The following ABLIM1 variants were observed in gnomAD, a reference collection of about 807,000 sequenced individuals.
ABLIM1 encodes the protein actin-binding LIM protein 1.
In ABLIM1, 40 loss-of-function variants were observed where a neutral mutation model predicts 107.0. That is an observed-to-expected ratio of 0.37 (90% confidence interval 0.29 to 0.49). The LOEUF (loss-of-function observed/expected upper bound fraction) is 0.49. Ranked by LOEUF, ABLIM1 falls within the 20% of genes least tolerant of loss-of-function variation. The pLI is 0.97. For synonymous variants in ABLIM1, 357 were observed against 357.3 expected, an observed-to-expected ratio of 1.00 and a Z score of 0.01; for missense variants, 857 against 1,008.5, an observed-to-expected ratio of 0.85 and a Z score of 2.04.
chr10:114,560,316 A>T (rs185575529), intron 4 of ABLIM1, among the ~76,000 whole-genome samples: 1 of 152,376 alleles, frequency 6.6e-6, no homozygotes, highest in Non-Finnish European at 1.5e-5. Flanking sequence ...ATTCAGCCAT[A>T]AAGAAATGAA....
chr10:114,512,230 G>C (rs116021249), intron 6 of ABLIM1, among the ~76,000 whole-genome samples: 2 of 152,168 alleles, frequency 1.3e-5, no homozygotes, highest in African/African-American at 4.8e-5. Flanking sequence ...TGAAATTAGC[G>C]AACTGGGGAA....
At chr10:114,779,635 TTTTCA>T in the ABLIM1 span, 1 of 152,238 alleles carries the variant, frequency 6.6e-6, no homozygotes, top group Non-Finnish European at 1.5e-5. Flanking sequence ...TATAGATTTG[TTTTCA>T]TTTAACAATT....
intron 1 of ABLIM1, among the ~76,000 whole-genome samples, chr10:114,761,706 C>G (rs894800877): frequency 5.3e-5 from 8 of 152,150 alleles, no homozygotes; most frequent in Admixed American, 5.2e-4. Context: ...CATCTCCCAA[C>G]TCCACTGAGA....
chr10:114,478,886 T>G (rs956089640), intron 8 of ABLIM1, among the ~76,000 whole-genome samples: 1 of 152,224 alleles, frequency 6.6e-6, no homozygotes, highest in African/African-American at 2.4e-5. Context: ...GTTGCATTCT[T>G]GCTTGCTTAT....
chr10:114,660,564 G>A (rs970150982), upstream of ABLIM1, among the ~76,000 whole-genome samples: 1 of 151,770 alleles, frequency 6.6e-6, no homozygotes, highest in African/African-American at 2.4e-5. Context: ...TTAAGATGGA[G>A]ATCCCCGAGG....
intron 2 of ABLIM1, among the ~76,000 whole-genome samples, chr10:114,586,263 CA>C (rs34105643): frequency 0.4 from 60,317 of 151,988 alleles, 14,092 homozygotes; most frequent in Non-Finnish European, 0.53. Context: ...AGACAATTTC[CA>C]TTCACATGTG....
intron 10 of ABLIM1, 134 bp downstream of exon 10, chr10:114,472,839 ACCTG>A: frequency 1.3e-6 from 1 of 798,924 alleles, no homozygotes. Context: ...ACCTCAAAGC[ACCTG>A]GTCTAGAAAT....
intron 6 of ABLIM1, among the ~76,000 whole-genome samples, chr10:114,516,505 C>A (rs548679259): frequency 6.6e-6 from 1 of 152,124 alleles, no homozygotes. Context: ...GCCTGGGTGA[C>A]AGAGCAAGAC....
At chr10:114,559,599 C>G (rs750593860) in intron 4 of ABLIM1, among the ~76,000 whole-genome samples, 3 of 152,188 alleles carry the variant, frequency 2.0e-5, no homozygotes, top group Non-Finnish European at 2.9e-5. Context: ...GACCACCCAC[C>G]TAGCACATGG....
intron 1 of ABLIM1, among the ~76,000 whole-genome samples, chr10:114,683,104 T>A (rs2080816161): frequency 1.3e-5 from 2 of 152,234 alleles, no homozygotes; most frequent in African/African-American, 4.8e-5. Flanking sequence ...ATAGTGTCCT[T>A]ATTAAAATTC....
chr10:114,643,354 A>G (rs919436130), intron 1 of ABLIM1, among the ~76,000 whole-genome samples: 4 of 152,188 alleles, frequency 2.6e-5, no homozygotes, highest in Non-Finnish European at 4.4e-5. Context: ...AGACTGTACA[A>G]GATTCTTCAT....
intron 1 of ABLIM1, among the ~76,000 whole-genome samples, chr10:114,666,257 T>C (rs2080021537): frequency 6.6e-6 from 1 of 152,226 alleles, no homozygotes; most frequent in Non-Finnish European, 1.5e-5. Flanking sequence ...CATATATTTA[T>C]TCTTATTCTT....
chr10:114,547,484 A>C, intron 5 of ABLIM1, 166 bp downstream of exon 5: 2 of 841,668 alleles, frequency 2.4e-6, no homozygotes, highest in Non-Finnish European at 3.6e-6. Context: ...AAGGCAAAAG[A>C]ATACAATTCT....
At chr10:114,576,280 G>A (rs974492033) in intron 2 of ABLIM1, among the ~76,000 whole-genome samples, 1 of 152,184 alleles carries the variant, frequency 6.6e-6, no homozygotes, top group Admixed American at 6.5e-5. Flanking sequence ...CAGGCAGTGG[G>A]AGCTTGGGCC....
chr10:114,454,490 G>A (rs1400911488), intron 12 of ABLIM1, among the ~76,000 whole-genome samples: 1 of 152,220 alleles, frequency 6.6e-6, no homozygotes, highest in African/African-American at 2.4e-5. Flanking sequence ...GGGTGTGGAA[G>A]GGTGCAGACT....
intron 2 of ABLIM1, among the ~76,000 whole-genome samples, chr10:114,595,340 G>T (rs567330184): frequency 6.6e-6 from 1 of 152,274 alleles, no homozygotes; most frequent in South Asian, 2.1e-4. Context: ...AATTCCCCCA[G>T]AGAAGAATCT....
intron 1 of ABLIM1, among the ~76,000 whole-genome samples, chr10:114,616,961 G>T (rs1278156938): frequency 6.6e-6 from 1 of 152,164 alleles, no homozygotes; most frequent in East Asian, 1.9e-4. Context: ...CTTGCCCAAG[G>T]TGGCACAATT....
upstream of ABLIM1, among the ~76,000 whole-genome samples, chr10:114,769,336 CCAT>C (rs2082978393): frequency 6.8e-6 from 1 of 146,220 alleles, no homozygotes; most frequent in East Asian, 2.0e-4. Context: ...GAGCAAGACT[CCAT>C]CGAGATAAGA....
At chr10:114,678,173 C>G (rs553840294) in intron 1 of ABLIM1, among the ~76,000 whole-genome samples, 16 of 151,738 alleles carry the variant, frequency 1.1e-4, no homozygotes, top group Middle Eastern at 3.4e-3. Context: ...CCTCATTCTC[C>G]AGCTAAGCAA....
Sources: gnomAD v4.1 joint callset for allele counts (sites outside exome capture counted in the v4.1 genomes callset) on GRCh38, gnomAD v4.1.1 for gene constraint, MANE v1.5 for transcripts, NCBI Gene and HGNC (gene_info 2026-07-23, HGNC 2026-07-21) for gene names.